Variants in MALRD1 observed in about 807,000 individuals in gnomAD.
The protein encoded by MALRD1 is MAM and LDL-receptor class A domain-containing protein 1.
Under a neutral mutation model 242.1 loss-of-function variants are expected in MALRD1, and 247 were observed. The ratio of observed to expected loss-of-function variants is 1.02; its 90% CI spans 0.92 to 1.13. The LOEUF (loss-of-function observed/expected upper bound fraction) is 1.13, where lower values mean the gene tolerates loss of function less well. Among genes scored for constraint, MALRD1 ranks in the 50% most tolerant of loss-of-function variants. The probability of loss-of-function intolerance (pLI) is 0.00; values close to 1 mark genes in which losing one functional copy is unlikely to be tolerated. For synonymous variants in MALRD1, 995 were observed against 866.6 expected, an observed-to-expected ratio of 1.15 and a Z score of -2.60; for missense variants, 2,989 against 2,533.1, an observed-to-expected ratio of 1.18 and a Z score of -3.86.
At chr10:19,561,529 C>T (rs1034305997) in intron 32 of MALRD1, among the ~76,000 whole-genome samples, 1 of 152,130 alleles carries the variant, frequency 6.6e-6, no homozygotes, top group African/African-American at 2.4e-5. Flanking sequence ...GGTGCATACA[C>T]ATAAATGATT....
chr10:19,144,886 T>C, intron 10 of MALRD1, among the ~76,000 whole-genome samples: 1 of 152,172 alleles, frequency 6.6e-6, no homozygotes, highest in East Asian at 1.9e-4. Context: ...AACTCAGTGG[T>C]AGTTTGGCTG....
rs1842842682 is a variant in MALRD1, at chr10:19,319,771, G to A, written c.3420-4178G>A. On this transcript the variant is annotated intron_variant, in intron 21 of 39. Coordinates refer to ENST00000454679, the MANE Select transcript of MALRD1 (RefSeq NM_001142308.3). ...CTAATCTCATTAAGGTCACTTAATC[G>A]ACTCCCCAAAGGCCCTGCGTAATAA... is the stretch of plus-strand genomic sequence containing the variant. Among the ~76,000 whole-genome samples the A allele has an allele frequency of 2.6e-5, 4 of 151,914 alleles. No homozygotes were observed. In the South Asian group the frequency reaches 6.2e-4, roughly 24 times the overall value.
At chr10:19,437,207 G>A (rs1379782462) in intron 28 of MALRD1, among the ~76,000 whole-genome samples, 1 of 151,940 alleles carries the variant, frequency 6.6e-6, no homozygotes, top group Admixed American at 6.6e-5. Flanking sequence ...TGATGGCTTG[G>A]GTATTGGTCC....
intron 2 of MALRD1, among the ~76,000 whole-genome samples, chr10:19,072,342 C>G (rs566298488): frequency 2.0e-5 from 3 of 152,226 alleles, no homozygotes; most frequent in Non-Finnish European, 4.4e-5. Context: ...GTCATATATA[C>G]AAAATACATA....
At position 19,352,314 on chromosome 10, in the gene MALRD1, G is replaced by C; in HGVS notation, c.4441+17G>C. 1.3e-6 allele frequency: 2 copies of C among 1,488,546 alleles called. No homozygotes were observed. Among genetic ancestry groups the C allele is most frequent in the South Asian group, 1.2e-5 (1 of 81,862 alleles). The allele number at this position is 1,488,546 out of a possible 1,614,324, so 92.2% of individuals were successfully genotyped here. On this transcript the variant is annotated intron_variant, in intron 26 of 39. Transcript: ENST00000454679. Reference sequence around the variant, plus strand: ...TTCCAACAGGTACATTCTAATCTGTGTGTGTGTGTGGTATTTTTGCATGGT... The same window carrying C: ...TTCCAACAGGTACATTCTAATCTGTCTGTGTGTGTGGTATTTTTGCATGGT...
At chr10:19,227,316 A>G (rs1215116382) in intron 18 of MALRD1, among the ~76,000 whole-genome samples, 2 of 152,124 alleles carry the variant, frequency 1.3e-5, no homozygotes, top group African/African-American at 2.4e-5. Flanking sequence ...AAACAGAGTA[A>G]ATAATTTAGA....
At chr10:19,144,264 C>T (rs1332239209) in intron 10 of MALRD1, among the ~76,000 whole-genome samples, 1 of 152,184 alleles carries the variant, frequency 6.6e-6, no homozygotes, top group Non-Finnish European at 1.5e-5. Context: ...GAAAAGTCAG[C>T]TCTTGTATCT....
At chr10:19,096,044 T>C (rs1484486006) in intron 4 of MALRD1, among the ~76,000 whole-genome samples, 1 of 152,228 alleles carries the variant, frequency 6.6e-6, no homozygotes, top group Non-Finnish European at 1.5e-5. Context: ...GAGTCTTAAA[T>C]TACTTTTGCC....
chr10:19,412,739 A>G (rs570229805), intron 28 of MALRD1, among the ~76,000 whole-genome samples: 6 of 152,304 alleles, frequency 3.9e-5, no homozygotes, highest in Admixed American at 3.9e-4. Context: ...TCTGCCAACC[A>G]TAAAACAGAA....
Position 19,482,493 on chromosome 10 carries a change from C to T in MALRD1, c.5030-9024C>T, listed in dbSNP as rs566424317. ...GGTAAGAAGTCAAACTATCTCTCTT[C>T]GCTTATGATAGGATTCTATACTGAG... On this transcript the variant is annotated intron_variant, in intron 29 of 39. Coordinates refer to ENST00000454679, the MANE Select transcript of MALRD1 (RefSeq NM_001142308.3). 2.0e-4 allele frequency among the ~76,000 whole-genome samples: 30 copies of T among 152,014 alleles called. No homozygotes were observed. In the South Asian group the frequency reaches 3.3e-3, roughly 17 times the overall value.
Position 19,253,177 on chromosome 10 carries a change from T to C in MALRD1, c.2992-4507T>C, listed in dbSNP as rs1268041833. Among the ~76,000 whole-genome samples the C allele has an allele frequency of 2.0e-5, 3 of 151,914 alleles. No homozygotes were observed. The East Asian group carries it at 5.8e-4, about 29-fold the overall frequency. ...AAAATAAGTGGGTGTCATTAAGAAG[T>C]ATAAGAGAGAGCGTAAGTATTTGTC... On this transcript the variant is annotated intron_variant, in intron 18 of 39. Transcript: ENST00000454679.
intron 28 of MALRD1, among the ~76,000 whole-genome samples, chr10:19,416,497 C>A (rs1833517740): frequency 6.6e-6 from 1 of 151,996 alleles, no homozygotes. Context: ...TAACCCTTCT[C>A]ATCTGCTCAA....
At chr10:19,340,332 A>G (rs1843791635) in intron 24 of MALRD1, among the ~76,000 whole-genome samples, 1 of 140,510 alleles carries the variant, frequency 7.1e-6, no homozygotes, top group South Asian at 2.3e-4. Flanking sequence ...ACTGTAGTCA[A>G]TTTGATGTGC....
intron 36 of MALRD1, among the ~76,000 whole-genome samples, chr10:19,619,026 G>A (rs1005190642): frequency 1.3e-5 from 2 of 151,782 alleles, no homozygotes; most frequent in East Asian, 2.0e-4. Flanking sequence ...ACCAGACTCC[G>A]CATTCTTAGA....
At chr10:19,194,997 T>G (rs1377031362) in intron 14 of MALRD1, among the ~76,000 whole-genome samples, 1 of 152,166 alleles carries the variant, frequency 6.6e-6, no homozygotes, top group African/African-American at 2.4e-5. Flanking sequence ...TTGCACTCCA[T>G]TCTGAGTAGT....
intron 26 of MALRD1, among the ~76,000 whole-genome samples, chr10:19,377,433 T>A (rs951325472): frequency 8.5e-5 from 13 of 152,156 alleles, no homozygotes; most frequent in Admixed American, 7.9e-4. Context: ...AACTAAATTA[T>A]CTAGATTCAG....
intron 36 of MALRD1, among the ~76,000 whole-genome samples, chr10:19,636,913 A>G (rs1840159251): frequency 6.6e-6 from 1 of 151,534 alleles, no homozygotes; most frequent in South Asian, 2.1e-4. Flanking sequence ...AAAAAAAAAA[A>G]CGCAGAGTAG....
intron 35 of MALRD1, among the ~76,000 whole-genome samples, chr10:19,609,311 C>T (rs1438243722): frequency 6.6e-6 from 1 of 151,994 alleles, no homozygotes; most frequent in Non-Finnish European, 1.5e-5. Flanking sequence ...ATACAGTTTT[C>T]AGAAATAAAA....
chr10:19,075,080 T>C lies in MALRD1; in HGVS notation c.340+8221T>C, dbSNP rs150377142. Among the ~76,000 whole-genome samples the C allele has an allele frequency of 4.6e-5, 7 of 152,144 alleles. No homozygotes were observed. The East Asian group carries it at 1.4e-3, about 30-fold the overall frequency. ...GAACTATGATGAACGCTCACTTTGA[T>C]TTTAAGTATCTTTCAAGTGAATTAA... On this transcript the variant is annotated intron_variant, in intron 2 of 39. Coordinates refer to ENST00000454679, the MANE Select transcript of MALRD1 (RefSeq NM_001142308.3).
Sources: allele counts gnomAD v4.1 joint callset (sites outside exome capture counted in the v4.1 genomes callset), GRCh38; gene constraint gnomAD v4.1.1; transcripts MANE v1.5; gene names NCBI Gene and HGNC (gene_info 2026-07-23, HGNC 2026-07-21).